Variants in STK3 observed in about 807,000 individuals in gnomAD.
The protein encoded by STK3 is serine/threonine kinase 3.
STK3 carries 41 observed loss-of-function variants against 58.0 expected under a neutral mutation model. The observed-to-expected ratio is 0.71, with a 90% CI of 0.55 to 0.92. STK3 has a LOEUF of 0.92. Among genes scored for constraint, STK3 ranks in the 40% least tolerant of loss-of-function variants. The pLI is 0.00. For synonymous variants in STK3, 170 were observed against 191.0 expected (o/e 0.89, Z 0.91); for missense variants, 479 against 602.7 (o/e 0.79, Z 2.15).
intron 3 of STK3, among the ~76,000 whole-genome samples, chr8:98,424,117 C>A (rs1485843998): frequency 1.3e-5 from 2 of 152,254 alleles, no homozygotes; most frequent in African/African-American, 4.8e-5. Context: ...AGCACGATGA[C>A]TGGGAAATAA....
At chr8:98,774,871 C>A (rs927100730) in intron 1 of STK3, 52 bp from the exon 2 acceptor site, 58 of 1,333,812 alleles carry the variant, frequency 4.3e-5, no homozygotes, top group Non-Finnish European at 5.2e-5. Flanking sequence ...AGACCTTTTA[C>A]AAAATTTTTA....
intron 10 of STK3, among the ~76,000 whole-genome samples, chr8:98,492,715 G>A (rs1169482380): frequency 6.6e-6 from 1 of 152,038 alleles, no homozygotes; most frequent in African/African-American, 2.4e-5. Context: ...TAAAAAGAGA[G>A]GGGAGTAATT....
chr8:98,598,250 A>G (rs996373334), intron 6 of STK3: 2 of 985,254 alleles, frequency 2.0e-6, no homozygotes, highest in Middle Eastern at 5.2e-4. Flanking sequence ...TCTTATCTTG[A>G]GATAATCTTA....
At chr8:98,676,342 G>T (rs1460337126) in intron 6 of STK3, among the ~76,000 whole-genome samples, 1 of 152,092 alleles carries the variant, frequency 6.6e-6, no homozygotes, top group African/African-American at 2.4e-5. Flanking sequence ...CAGTTAAATG[G>T]GGCGGGGCGC....
intron 7 of STK3, among the ~76,000 whole-genome samples, chr8:98,587,834 T>A (rs1203032453): frequency 6.6e-6 from 1 of 152,160 alleles, no homozygotes; most frequent in Non-Finnish European, 1.5e-5. Context: ...GTTGAATTGA[T>A]CCCTTTACCA....
At chr8:98,642,494 T>A (rs182038987) in intron 6 of STK3, among the ~76,000 whole-genome samples, 19 of 152,234 alleles carry the variant, frequency 1.2e-4, no homozygotes, top group African/African-American at 4.6e-4. Flanking sequence ...GTATTTTTAT[T>A]ACCCAGTTTT....
intron 3 of STK3, among the ~76,000 whole-genome samples, chr8:98,754,949 T>C (rs1830201010): frequency 6.6e-6 from 1 of 152,206 alleles, no homozygotes; most frequent in African/African-American, 2.4e-5. Flanking sequence ...TCAGCAATGC[T>C]AAGGGTAGAA....
intron 10 of STK3, among the ~76,000 whole-genome samples, chr8:98,520,246 T>C (rs1825249920): frequency 6.6e-6 from 1 of 152,126 alleles, no homozygotes; most frequent in Admixed American, 6.6e-5. Context: ...TTAAAAATAA[T>C]TCAATTAGCC....
intron 4 of STK3, among the ~76,000 whole-genome samples, chr8:98,730,715 C>CA (rs36085293): frequency 0.038 from 2,478 of 65,540 alleles, 65 homozygotes; most frequent in African/African-American, 0.072. Flanking sequence ...GACTCCGTCT[C>CA]AAAAAAAAAA....
At chr8:98,510,459 GT>G (rs34660176) in intron 10 of STK3, among the ~76,000 whole-genome samples, 57 of 150,808 alleles carry the variant, frequency 3.8e-4, no homozygotes, top group African/African-American at 1.3e-3. Flanking sequence ...ACATCAGAGG[GT>G]TTTTTTTTAA....
intron 4 of STK3, among the ~76,000 whole-genome samples, chr8:98,742,833 A>G (rs577073084): frequency 6.6e-6 from 1 of 152,120 alleles, no homozygotes; most frequent in South Asian, 2.1e-4. Flanking sequence ...AGAAAACCCC[A>G]TTGTCTTAGC....
rs1446295329 is a variant in STK3 at position 98,803,827 on chromosome 8, A to G, written c.26+21688T>C. ...TACACACTTACTGAATTTGTAGACA[A>G]TAAGTTACCTGCTAGGGTAATCCAA... On this transcript the variant is annotated intron_variant, in intron 1 of 10. Coordinates refer to ENST00000419617, the MANE Select transcript of STK3 (RefSeq NM_006281.4). 5.3e-5 allele frequency among the ~76,000 whole-genome samples: 8 copies of G among 152,154 alleles called. No individual in the cohort carries two copies. In the East Asian group the frequency reaches 1.3e-3, roughly 26 times the overall value.
At chr8:98,611,794 T>TA (rs1384735627) in intron 6 of STK3, among the ~76,000 whole-genome samples, 1 of 152,018 alleles carries the variant, frequency 6.6e-6, no homozygotes, top group Non-Finnish European at 1.5e-5. Context: ...GGTTGGTTTT[T>TA]AAAAAAATGT....
intron 1 of STK3, among the ~76,000 whole-genome samples, chr8:98,884,554 T>C (rs1035739311): frequency 6.6e-6 from 1 of 152,230 alleles, no homozygotes; most frequent in African/African-American, 2.4e-5. Context: ...TTTCTTTTCC[T>C]GGTTCAGGAT....
chr8:98,582,002 A>C (rs904544958), intron 7 of STK3, among the ~76,000 whole-genome samples: 2 of 152,136 alleles, frequency 1.3e-5, no homozygotes, highest in African/African-American at 4.8e-5. Context: ...ATAAATCATT[A>C]ATTTTGAACA....
At chr8:98,583,426 A>T (rs936370409) in intron 7 of STK3, among the ~76,000 whole-genome samples, 7 of 152,096 alleles carry the variant, frequency 4.6e-5, no homozygotes, top group African/African-American at 1.7e-4. Flanking sequence ...ATGCAAACCA[A>T]AATTAAAAAT....
At chr8:98,736,043 C>T (rs914552141) in intron 4 of STK3, among the ~76,000 whole-genome samples, 1 of 151,922 alleles carries the variant, frequency 6.6e-6, no homozygotes, top group Admixed American at 6.6e-5. Context: ...AAAGAACAGG[C>T]ACAAAAAGAA....
At chr8:98,903,540 TCTTCTTCTTCTTCTTCC>T (rs772138213) in intron 1 of STK3, among the ~76,000 whole-genome samples, 400 of 38,540 alleles carry the variant, frequency 0.01, 11 homozygotes, top group African/African-American at 0.017. Flanking sequence ...TTCTTCTTCT[TCTTCTTCTTCTTCTTCC>T]TTTTTTTTTT....
rs573416153 is a variant in STK3 at position 98,745,712 on chromosome 8, G to C, written c.351+3564C>G. Among the ~76,000 whole-genome samples, 53 of 152,150 alleles carry C rather than the reference G, an allele frequency of 3.5e-4. 1 individual carries two copies. The South Asian group carries it at 9.6e-3, about 28-fold the overall frequency. On this transcript the variant is annotated intron_variant, in intron 4 of 10. Coordinates refer to ENST00000419617, the MANE Select transcript of STK3 (RefSeq NM_006281.4). ...TTACAAGATGAGAAGGTCAAAGACT[G>C]GAAATCAAAACCTACCGAGAAACTG...
Sources: allele counts gnomAD v4.1 joint callset (sites outside exome capture counted in the v4.1 genomes callset), GRCh38; gene constraint gnomAD v4.1.1; transcripts MANE v1.5; gene names NCBI Gene and HGNC (gene_info 2026-07-23, HGNC 2026-07-21).